SPTBN5: variants seen among roughly 807,000 people sequenced by gnomAD.
SPTBN5 encodes spectrin beta, non-erythrocytic 5.
A neutral mutation model predicts 477.6 loss-of-function variants in SPTBN5; 513 were observed. That is an observed-to-expected ratio of 1.07 (90% CI 1.00 to 1.16). The LOEUF (loss-of-function observed/expected upper bound fraction) is 1.16. SPTBN5 is among the 50% of genes most tolerant of loss of function. The pLI, the probability that SPTBN5 is intolerant of heterozygous loss-of-function variation, is 0.00. For synonymous variants in SPTBN5, 2,169 were observed against 2,011.7 expected (o/e 1.08, Z -2.09); for missense variants, 5,062 against 4,731.8 (o/e 1.07, Z -2.05).
chr15:41,854,459 G>A (rs893122807), intron 56 of SPTBN5, among the ~76,000 whole-genome samples: 1 of 152,090 alleles, frequency 6.6e-6, no homozygotes, highest in Non-Finnish European at 1.5e-5. Context: ...AGGCAGACGC[G>A]AGGTGTTGGG....
chr15:41,871,671 C>T, intron 28 of SPTBN5, 111 bp downstream of exon 28: 1 of 1,421,352 alleles, frequency 7.0e-7, no homozygotes, highest in Non-Finnish European at 9.3e-7. Context: ...CCACCTCAGC[C>T]AGGGCTCACC....
intron 44 of SPTBN5, 38 bp downstream of exon 44, chr15:41,862,092 G>A (rs751492902): frequency 3.9e-6 from 6 of 1,522,940 alleles, no homozygotes; most frequent in Middle Eastern, 3.8e-4. Context: ...GGGCGGAGCT[G>A]AGAGCCTGGG....
At position 41,875,506 on chromosome 15, in the gene SPTBN5, G is replaced by C. The variant is rs367923098; in HGVS notation, c.4239C>G (p.Asp1413Glu). 1 of 1,612,484 alleles carries C rather than the reference G, an allele frequency of 6.2e-7. No individual in the cohort carries two copies. The highest frequency in any genetic ancestry group is 8.5e-7 in the Non-Finnish European group (1 of 1,179,448). The change falls in exon 22 of 68, where the codon GAC becomes GAG. Residue 1413 changes from aspartate to glutamate, a missense_variant. Coordinates refer to ENST00000320955, the MANE Select transcript of SPTBN5 (RefSeq NM_016642.4). ...ALNRKMTERG[D>E]ELQQAGQQEQ... The stretch of plus-strand genomic sequence containing the variant: ...CCTGCTGTCCAGCCTGCTGGAGCTC[G>C]TCCCCACGCTCAGTCATCTTGCGGT...
At chr15:41,862,975 C>G (rs1472676713) in intron 41 of SPTBN5, 72 bp from the exon 42 acceptor site, 1 of 1,381,298 alleles carries the variant, frequency 7.2e-7, no homozygotes. Flanking sequence ...AAGGGCCCAA[C>G]CAGTGGCTTC....
rs201539060 is a variant in SPTBN5, at chr15:41,850,904, G to A, written c.10871C>T (p.Pro3624Leu). The change falls in exon 66 of 68, where the codon CCG (proline) becomes CTG (leucine). Residue 3624 changes from proline to leucine, a missense_variant. Physicochemically the swap from Pro to Leu is moderately conservative, Grantham distance 98. Transcript: ENST00000320955. Reference protein sequence around the residue: ...TSGAEILFAAPSEEQAESWWR... With the variant: ...TSGAEILFAALSEEQAESWWR... ...CCAGCTCTCAGCCTGCTCTTCGGACGGTGCTGCAAACAGGATCTCTGCCCC... is the reference window on the plus strand; with the variant it reads ...CCAGCTCTCAGCCTGCTCTTCGGACAGTGCTGCAAACAGGATCTCTGCCCC... 83 of 1,604,000 alleles carry A rather than the reference G, an allele frequency of 5.2e-5. No individual in the cohort carries two copies. The highest frequency in any genetic ancestry group is 1.7e-4 in the Middle Eastern group (1 of 6,058).
At chr15:41,876,428 T>A in intron 20 of SPTBN5, 120 bp downstream of exon 20, 1 of 1,329,896 alleles carries the variant, frequency 7.5e-7, no homozygotes, top group Non-Finnish European at 1.0e-6. Flanking sequence ...TCACAGAAGG[T>A]GTTGAGAGGA....
rs759099628 is a variant in SPTBN5 at position 41,857,669 on chromosome 15, C to G, written c.8268G>C (p.Glu2756Asp). 34 of 1,587,324 alleles carry G rather than the reference C, an allele frequency of 2.1e-5. No individual in the cohort carries two copies. Reference protein sequence around the residue: ...RLLQGGHPASEAIQERLEELG... With the variant: ...RLLQGGHPASDAIQERLEELG... Reference sequence around the variant, plus strand: ...GCTCCTCCAGTCGCTCCTGGATGGCCTCCGAGGCTGGGTGGCCCCCCTGCA... The same window carrying G: ...GCTCCTCCAGTCGCTCCTGGATGGCGTCCGAGGCTGGGTGGCCCCCCTGCA... The change falls in exon 50 of 68, where the codon GAG (glutamate) becomes GAC (aspartate). Residue 2756 changes from glutamate (E) to aspartate (D), a missense_variant. Glu to Asp is a conservative substitution (Grantham distance 45). Transcript: ENST00000320955.
In SPTBN5 at chr15:41,871,870, T is replaced by A; in HGVS notation, c.5213A>T (p.Glu1738Val). ...CAGCCAGCCCTGCAGGTCCTCAGCC[T>A]CCCTCAGGAACTCATGCAGCCTCAG... ...GTLRLHEFLR[E>V]AEDLQGWLAS... is the part of the protein sequence containing the mutation. Residue 1738 changes from glutamate to valine, a missense_variant, in exon 28 of 68, where the codon GAG (glutamate) becomes GTG (valine). Coordinates refer to ENST00000320955, the MANE Select transcript of SPTBN5 (RefSeq NM_016642.4). 1 of 1,586,736 alleles carries A rather than the reference T, an allele frequency of 6.3e-7. No homozygotes were observed. Among genetic ancestry groups the A allele is most frequent in the Admixed American group, 1.8e-5 (1 of 56,622 alleles).
chr15:41,852,128 C>T, intron 62 of SPTBN5, 54 bp downstream of exon 62: 3 of 1,522,100 alleles, frequency 2.0e-6, no homozygotes, highest in Non-Finnish European at 1.8e-6. Context: ...AGCCCCACTG[C>T]ATGCTTCAGG....
At chr15:41,854,016 C>T (rs1367975049) in intron 57 of SPTBN5, 34 bp downstream of exon 57, 1 of 1,534,198 alleles carries the variant, frequency 6.5e-7, no homozygotes, top group Non-Finnish European at 8.7e-7. Context: ...CGGGCAGGGG[C>T]TCAGACAGGC....
intron 36 of SPTBN5, 77 bp downstream of exon 36, chr15:41,866,882 T>C (rs1004461746): frequency 1.4e-6 from 2 of 1,456,514 alleles, no homozygotes; most frequent in Non-Finnish European, 1.8e-6. Context: ...CGCCTCACAG[T>C]GTTGCGGTGT....
At chr15:41,862,357 G>T in intron 43 of SPTBN5, 65 bp from the exon 44 acceptor site, 2 of 1,541,388 alleles carry the variant, frequency 1.3e-6, no homozygotes, top group South Asian at 1.2e-5. Flanking sequence ...GCCCACTGGT[G>T]TCTTCTGTCC....
In SPTBN5 at chr15:41,866,027, T is replaced by C; in HGVS notation, c.6822+11A>G. The C allele has an allele frequency of 6.4e-7, 1 of 1,551,228 alleles. No homozygotes were observed. ...CCCCATCTCTCAGCCCCCACCCAGC[T>C]GGGGCTACACCTTCTCCTGGATCCA... On this transcript the variant is annotated intron_variant, in intron 38 of 67. Coordinates refer to ENST00000320955, the MANE Select transcript of SPTBN5 (RefSeq NM_016642.4).
intron 36 of SPTBN5, 119 bp from the exon 37 acceptor site, chr15:41,866,612 G>T: frequency 8.5e-7 from 1 of 1,176,870 alleles, no homozygotes; most frequent in Non-Finnish European, 1.1e-6. Context: ...GGCAGCACCT[G>T]GTAAATGAGC....
chr15:41,853,077 G>A, intron 59 of SPTBN5, 77 bp from the exon 60 acceptor site: 5 of 1,448,152 alleles, frequency 3.5e-6, no homozygotes, highest in Non-Finnish European at 3.7e-6. Flanking sequence ...GGAGAGCCAA[G>A]TGTTAATGGA....
intron 9 of SPTBN5, 101 bp downstream of exon 9, chr15:41,882,895 G>A: frequency 7.3e-7 from 1 of 1,361,520 alleles, no homozygotes; most frequent in Non-Finnish European, 1.0e-6. Context: ...GGGTCAGTGT[G>A]GAGAAAACTG....
At chr15:41,853,841 C>T (rs556621374) in intron 57 of SPTBN5, 54 bp from the exon 58 acceptor site, 2 of 1,490,538 alleles carry the variant, frequency 1.3e-6, no homozygotes, top group East Asian at 2.5e-5. Context: ...CCGATGCGTG[C>T]TCTGCATTCA....
In SPTBN5 at chr15:41,854,013, G is replaced by T. The variant is rs781065612; in HGVS notation, c.9774+37C>A. On this transcript the variant is annotated intron_variant, in intron 57 of 67. Coordinates refer to ENST00000320955, the MANE Select transcript of SPTBN5 (RefSeq NM_016642.4). ...CCCCTCAGCCACCGCCTTCGGGCAG[G>T]GGCTCAGACAGGCAGGCTGCAGGGC... 6 of 1,528,964 alleles carry T rather than the reference G, an allele frequency of 3.9e-6. No homozygotes were observed. In the South Asian group the frequency reaches 6.0e-5, roughly 15 times the overall value. 94.7% of individuals were successfully genotyped at this position (1,528,964 alleles called of 1,614,324 possible).
intron 2 of SPTBN5, 55 bp from the exon 3 acceptor site, chr15:41,893,116 A>G (rs1327928442): frequency 6.3e-7 from 1 of 1,590,806 alleles, no homozygotes; most frequent in Non-Finnish European, 8.5e-7. Flanking sequence ...CTGTCCTCCC[A>G]TCCTGGGACC....
Sources: allele counts gnomAD v4.1 joint callset (sites outside exome capture counted in the v4.1 genomes callset), GRCh38; gene constraint gnomAD v4.1.1; transcripts MANE v1.5; gene names NCBI Gene and HGNC (gene_info 2026-07-23, HGNC 2026-07-21).